Variants in EYA4 observed in about 807,000 individuals in gnomAD.
EYA4 encodes EYA transcriptional coactivator and phosphatase 4.
In EYA4, 31 loss-of-function variants were observed where a neutral mutation model predicts 87.9. The ratio of observed to expected loss-of-function variants is 0.35; its 90% CI spans 0.27 to 0.48. EYA4 has a LOEUF of 0.48. EYA4 is among the 20% of genes least tolerant of loss of function. EYA4 has a pLI of 0.99. For missense variants in EYA4, 678 were observed against 761.4 expected (o/e 0.89, Z 1.29); for synonymous variants, 263 against 270.6 (o/e 0.97, Z 0.28).
At chr6:133,505,419 A>AT (rs1407350048) in intron 13 of EYA4, among the ~76,000 whole-genome samples, 1 of 152,108 alleles carries the variant, frequency 6.6e-6, no homozygotes, top group Non-Finnish European at 1.5e-5. Context: ...CAAAGCATAT[A>AT]TTTTTTACCT....
intron 13 of EYA4, among the ~76,000 whole-genome samples, chr6:133,486,127 TA>T (rs1796661781): frequency 1.3e-5 from 2 of 152,250 alleles, no homozygotes; most frequent in Admixed American, 1.3e-4. Flanking sequence ...AAAGTGTTTT[TA>T]GGCTATATTT....
intron 14 of EYA4, chr6:133,511,663 A>C (rs1309896137): frequency 6.6e-6 from 1 of 152,060 alleles, no homozygotes; most frequent in African/African-American, 2.4e-5. Context: ...TTCTGAGCAC[A>C]CAGTAACTTA....
At chr6:133,255,347 A>G (rs934972390) in intron 1 of EYA4, among the ~76,000 whole-genome samples, 1 of 152,166 alleles carries the variant, frequency 6.6e-6, no homozygotes, top group Non-Finnish European at 1.5e-5. Flanking sequence ...GACCAGAGGG[A>G]GCAAGAGAGA....
chr6:133,385,922 T>C (rs948544966), intron 3 of EYA4, among the ~76,000 whole-genome samples: 2 of 152,198 alleles, frequency 1.3e-5, no homozygotes, highest in African/African-American at 4.8e-5. Flanking sequence ...TACATGTATA[T>C]AGTATAAGCC....
intron 2 of EYA4, among the ~76,000 whole-genome samples, chr6:133,315,473 G>C (rs375622387): frequency 6.9e-4 from 105 of 152,202 alleles, no homozygotes; most frequent in African/African-American, 2.4e-3. Flanking sequence ...AGCAAGAGGG[G>C]AAAAATCTAC....
intron 3 of EYA4, among the ~76,000 whole-genome samples, chr6:133,391,972 A>G (rs182054803): frequency 4.6e-5 from 7 of 152,358 alleles, no homozygotes; most frequent in Admixed American, 2.6e-4. Context: ...CTCAATGGCT[A>G]TTCATTTTAC....
chr6:133,511,371 C>A (rs1799120240), intron 14 of EYA4, among the ~76,000 whole-genome samples: 1 of 151,966 alleles, frequency 6.6e-6, no homozygotes, highest in African/African-American at 2.4e-5. Context: ...TAGTCAGAAG[C>A]TGTAAGTATG....
intron 2 of EYA4, among the ~76,000 whole-genome samples, chr6:133,292,002 G>GT (rs1562254851): frequency 6.6e-6 from 1 of 151,892 alleles, no homozygotes; most frequent in African/African-American, 2.4e-5. Context: ...CAAAATTAAA[G>GT]TACTTGCATA....
intron 2 of EYA4, among the ~76,000 whole-genome samples, chr6:133,315,579 C>T (rs946314246): frequency 2.6e-5 from 4 of 152,018 alleles, no homozygotes; most frequent in South Asian, 2.1e-4. Context: ...GTGCAAGAAA[C>T]GCGCCACTGA....
At chr6:133,326,794 A>T (rs79563827) in intron 2 of EYA4, among the ~76,000 whole-genome samples, 17,544 of 152,208 alleles carry the variant, frequency 0.12, 1,275 homozygotes, top group Non-Finnish European at 0.16. Flanking sequence ...ATTGCCATCA[A>T]CTGACTCTGT....
chr6:133,483,354 A>T lies in EYA4; in HGVS notation c.1191+239A>T, dbSNP rs73544985. Among the ~76,000 whole-genome samples, 5,804 of 152,236 alleles carry T rather than the reference A, an allele frequency of 0.038. 407 individuals are homozygous for T. The highest frequency in any genetic ancestry group is 0.13 in the African/African-American group (5,444 of 41,514). ...CAAAAGGACTGAGTTTTCTACATCAAGACCAAGCTTCTTAGTCTCACATAA... is the reference window on the plus strand; with the variant it reads ...CAAAAGGACTGAGTTTTCTACATCATGACCAAGCTTCTTAGTCTCACATAA... On this transcript the variant is annotated intron_variant, in intron 13 of 19. Transcript: ENST00000355286.
At chr6:133,404,338 CT>C (rs1407457075) in intron 3 of EYA4, among the ~76,000 whole-genome samples, 2 of 152,220 alleles carry the variant, frequency 1.3e-5, no homozygotes, top group African/African-American at 4.8e-5. Flanking sequence ...TAACATCATT[CT>C]GTCCATTCAC....
At chr6:133,264,103 G>A (rs763348653) in intron 1 of EYA4, among the ~76,000 whole-genome samples, 12 of 152,198 alleles carry the variant, frequency 7.9e-5, no homozygotes, top group Non-Finnish European at 1.6e-4. Flanking sequence ...TACAGGTCCC[G>A]GGCTCTGGCT....
At chr6:133,276,707 C>T (rs1180048129) in intron 2 of EYA4, among the ~76,000 whole-genome samples, 1 of 151,982 alleles carries the variant, frequency 6.6e-6, no homozygotes, top group African/African-American at 2.4e-5. Flanking sequence ...ACATGTAGAC[C>T]AATGTATTCA....
chr6:133,382,679 GA>G lies in EYA4; in HGVS notation c.83+246del, dbSNP rs147587738. Among the ~76,000 whole-genome samples, 3 of 149,716 alleles carry G rather than the reference GA, an allele frequency of 2.0e-5. No individual in the cohort carries two copies. The South Asian group carries it at 6.3e-4, about 31-fold the overall frequency. On this transcript the variant is annotated intron_variant, in intron 3 of 19. Coordinates refer to ENST00000355286, the MANE Select transcript of EYA4 (RefSeq NM_004100.5). ...AGTGGAAGTATCTCTAGAAATACGT[GA>G]AAAAAAATCCCTTGGCATTAAGTTA...
At chr6:133,298,746 C>T (rs936789608) in intron 2 of EYA4, among the ~76,000 whole-genome samples, 2 of 152,192 alleles carry the variant, frequency 1.3e-5, no homozygotes, top group Non-Finnish European at 2.9e-5. Context: ...AGAGGATATA[C>T]TTTTAAATTA....
At chr6:133,379,870 A>G (rs1252104779) in intron 2 of EYA4, among the ~76,000 whole-genome samples, 1 of 152,088 alleles carries the variant, frequency 6.6e-6, no homozygotes, top group Non-Finnish European at 1.5e-5. Context: ...ATTACCTTCT[A>G]TAGCATCTCT....
intron 3 of EYA4, among the ~76,000 whole-genome samples, chr6:133,398,780 C>G (rs1353994343): frequency 1.3e-5 from 2 of 151,946 alleles, no homozygotes; most frequent in African/African-American, 2.4e-5. Flanking sequence ...TAAAGAAAAC[C>G]CTAATATGGC....
At chr6:133,492,160 G>A (rs1797224180) in intron 13 of EYA4, among the ~76,000 whole-genome samples, 1 of 152,058 alleles carries the variant, frequency 6.6e-6, no homozygotes, top group Non-Finnish European at 1.5e-5. Context: ...ATTAAAGAAA[G>A]AAAGCTACAG....
Sources: allele counts gnomAD v4.1 joint callset (sites outside exome capture counted in the v4.1 genomes callset), GRCh38; gene constraint gnomAD v4.1.1; transcripts MANE v1.5; gene names NCBI Gene and HGNC (gene_info 2026-07-23, HGNC 2026-07-21).